The following SMAD3 variants were observed in gnomAD, a reference collection of about 807,000 sequenced individuals.
The protein encoded by SMAD3 is SMAD family member 3, also known as MAD homolog 3.
A neutral mutation model predicts 51.8 loss-of-function variants in SMAD3; 12 were observed. That is an observed-to-expected ratio of 0.23 (90% confidence interval 0.15 to 0.38). The LOEUF (loss-of-function observed/expected upper bound fraction) is 0.38, where lower values mean the gene tolerates loss of function less well. Among genes scored for constraint, SMAD3 ranks in the 10% least tolerant of loss-of-function variants. The pLI is 1.00. For missense variants in SMAD3, 294 were observed against 565.6 expected (o/e 0.52, Z 4.87); for synonymous variants, 238 against 227.7 (o/e 1.05, Z -0.41).
chr15:67,124,969 T>C (rs1471649822), intron 1 of SMAD3, among the ~76,000 whole-genome samples: 1 of 152,260 alleles, frequency 6.6e-6, no homozygotes, highest in African/African-American at 2.4e-5. Flanking sequence ...ATCAAGCATA[T>C]TTATTGACAA....
At chr15:67,067,440 G>A (rs373648414) in intron 1 of SMAD3, among the ~76,000 whole-genome samples, 7 of 152,204 alleles carry the variant, frequency 4.6e-5, no homozygotes, top group East Asian at 3.8e-4. Context: ...AACCAAGGGA[G>A]AGAGCGTGTG....
At chr15:67,183,691 C>T (rs993932085) in intron 6 of SMAD3, among the ~76,000 whole-genome samples, 1 of 152,182 alleles carries the variant, frequency 6.6e-6, no homozygotes, top group African/African-American at 2.4e-5. Context: ...CTTTGCCATG[C>T]AGGAGAAGGG....
chr15:67,117,607 C>G (rs1371536166), intron 1 of SMAD3, among the ~76,000 whole-genome samples: 10 of 152,222 alleles, frequency 6.6e-5, no homozygotes, highest in Middle Eastern at 3.4e-3. Context: ...TCCTTTCCTG[C>G]TGGGAAGTCC....
intron 1 of SMAD3, among the ~76,000 whole-genome samples, chr15:67,144,824 G>A (rs553451291): frequency 3.9e-5 from 6 of 152,186 alleles, no homozygotes; most frequent in African/African-American, 7.2e-5. Context: ...TGCCTTCCAC[G>A]CCCTTGGTTT....
Position 67,112,441 on chromosome 15 carries a change from G to A in SMAD3, c.206+46081G>A, listed in dbSNP as rs186643630. 9.3e-4 allele frequency among the ~76,000 whole-genome samples: 123 copies of A among 131,632 alleles called. 27 individuals carry two copies. Among genetic ancestry groups the A allele is most frequent in the Admixed American group, 6.8e-3 (83 of 12,142 alleles). The allele number at this position is 131,632 out of a possible 152,430, so 86.4% of individuals were successfully genotyped here. On this transcript the variant is annotated intron_variant, in intron 1 of 8. Transcript: ENST00000327367. ...CTCCCAAAGTGCTGGGATGATAGGC[G>A]TGAGCCACCACACCCGGCTAGCCAT...
intron 1 of SMAD3, among the ~76,000 whole-genome samples, chr15:67,082,085 C>T (rs1362125464): frequency 2.6e-5 from 4 of 151,714 alleles, no homozygotes; most frequent in Admixed American, 2.6e-4. Flanking sequence ...GTCTTGCTGA[C>T]TTCTGAGGAC....
intron 1 of SMAD3, among the ~76,000 whole-genome samples, chr15:67,106,334 C>T (rs953656681): frequency 9.2e-5 from 14 of 152,184 alleles, no homozygotes; most frequent in African/African-American, 2.7e-4. Context: ...CCTGACCTTA[C>T]GTATCTTTCC....
At chr15:67,136,328 CTTTTT>C (rs11355676) in intron 1 of SMAD3, among the ~76,000 whole-genome samples, 1 of 137,120 alleles carries the variant, frequency 7.3e-6, no homozygotes, top group Non-Finnish European at 1.6e-5. Context: ...GTCAGTCATT[CTTTTT>C]TTTTTTTTTT....
chr15:67,105,719 C>T (rs919304852), intron 1 of SMAD3, among the ~76,000 whole-genome samples: 10 of 152,192 alleles, frequency 6.6e-5, no homozygotes, highest in African/African-American at 2.2e-4. Flanking sequence ...TGTCTCTTAC[C>T]CTGATGCCCT....
At position 67,066,126 on chromosome 15, in the gene SMAD3, TC is replaced by T; in HGVS notation, c.-27del. On this transcript the variant is annotated 5_prime_UTR_variant, in exon 1 of 9. Coordinates refer to ENST00000327367, the MANE Select transcript of SMAD3 (RefSeq NM_005902.4). ...TCGAGCCCAGCCCCGCCGGGGGCGC[TC>T]CTCGCCGCCCGCGCGCCCTCCCCAG... 1.3e-6 allele frequency: 2 copies of T among 1,545,390 alleles called. No homozygotes were observed. Among genetic ancestry groups the T allele is most frequent in the Non-Finnish European group, 1.7e-6 (2 of 1,143,064 alleles).
chr15:67,110,487 G>A (rs1343902714), intron 1 of SMAD3, among the ~76,000 whole-genome samples: 2 of 152,210 alleles, frequency 1.3e-5, no homozygotes, highest in East Asian at 1.9e-4. Context: ...ACAGCACCTT[G>A]GTAGTCCCTC....
rs144245324 is a variant in SMAD3, at chr15:67,187,480, C to T, written c.1125C>T (p.Ser375=). The T allele has an allele frequency of 8.7e-5, 141 of 1,614,160 alleles. 1 individual carries two copies. Among genetic ancestry groups the T allele is most frequent in the Middle Eastern group, 3.3e-4 (2 of 6,062 alleles). The stretch of plus-strand genomic sequence containing the variant: ...CCCGAATGTGCACCATCCGCATGAG[C>T]TTCGTCAAAGGCTGGGGAGCGGAGT... The part of the protein sequence containing the change: ...QLTRMCTIRM[S]FVKGWGAEYR... The change falls in exon 8 of 9, where the codon AGC becomes AGT. Residue 375 remains serine, a synonymous_variant. Coordinates refer to ENST00000327367, the MANE Select transcript of SMAD3 (RefSeq NM_005902.4).
chr15:67,190,651 C>A lies in SMAD3; in HGVS notation c.*115C>A. 3 of 1,176,980 alleles carry A rather than the reference C, an allele frequency of 2.5e-6. No individual in the cohort carries two copies. Among genetic ancestry groups the A allele is most frequent in the East Asian group, 2.5e-5 (1 of 40,108 alleles). The allele number at this position is 1,176,980 out of a possible 1,614,324, so 72.9% of individuals were successfully genotyped here. The stretch of plus-strand genomic sequence containing the variant: ...GTCAAGGAAGAAGAAATCTTTCTCC[C>A]TCAACTGAAGGGGTGCACCCACCTG... On this transcript the variant is annotated 3_prime_UTR_variant, in exon 9 of 9. Transcript: ENST00000327367.
At chr15:67,160,432 A>G (rs1360251482) in intron 1 of SMAD3, among the ~76,000 whole-genome samples, 1 of 152,166 alleles carries the variant, frequency 6.6e-6, no homozygotes, top group East Asian at 1.9e-4. Context: ...TTGTCTTCAT[A>G]TCTTTCTGGG....
At chr15:67,189,166 A>G (rs1963298238) in intron 8 of SMAD3, among the ~76,000 whole-genome samples, 1 of 152,192 alleles carries the variant, frequency 6.6e-6, no homozygotes, top group South Asian at 2.1e-4. Flanking sequence ...GAAGGGAAAT[A>G]TTTAAAGATG....
intron 1 of SMAD3, among the ~76,000 whole-genome samples, chr15:67,078,975 A>ATAT (rs1254698490): frequency 6.8e-6 from 1 of 147,956 alleles, no homozygotes; most frequent in Non-Finnish European, 1.5e-5. Flanking sequence ...GCAATGTCAC[A>ATAT]TATTATTATT....
At chr15:67,071,973 T>C (rs1960064538) in intron 1 of SMAD3, among the ~76,000 whole-genome samples, 1 of 152,202 alleles carries the variant, frequency 6.6e-6, no homozygotes, top group Non-Finnish European at 1.5e-5. Context: ...CTTTTAGTGG[T>C]ATATTTTTTA....
At chr15:67,167,645 C>A (rs1433155649) in intron 4 of SMAD3, among the ~76,000 whole-genome samples, 1 of 152,168 alleles carries the variant, frequency 6.6e-6, no homozygotes, top group East Asian at 1.9e-4. Context: ...TGTGTGACAA[C>A]CACATGTGAT....
At chr15:67,130,167 A>C (rs925061772) in intron 1 of SMAD3, among the ~76,000 whole-genome samples, 3 of 152,178 alleles carry the variant, frequency 2.0e-5, no homozygotes, top group African/African-American at 7.2e-5. Context: ...TGCATGGTGG[A>C]TGAATATCAT....
Sources: allele counts gnomAD v4.1 joint callset (sites outside exome capture counted in the v4.1 genomes callset), GRCh38; gene constraint gnomAD v4.1.1; transcripts MANE v1.5; gene names NCBI Gene and HGNC (gene_info 2026-07-23, HGNC 2026-07-21).